The following CLEC12B variants were observed in gnomAD, a reference collection of about 807,000 sequenced individuals.
CLEC12B encodes macrophage antigen h.
CLEC12B carries 25 observed loss-of-function variants against 36.1 expected under a neutral mutation model. That is an observed-to-expected ratio of 0.69 (90% CI 0.50 to 0.97). The LOEUF (loss-of-function observed/expected upper bound fraction) is 0.97. CLEC12B is among the 50% of genes least tolerant of loss of function. The pLI is 0.00. For synonymous variants in CLEC12B, 110 were observed against 108.5 expected, an observed-to-expected ratio of 1.01 and a Z score of -0.09; for missense variants, 325 against 318.4, an observed-to-expected ratio of 1.02 and a Z score of -0.16.
Position 10,018,553 on chromosome 12 carries a change from G to A in CLEC12B, c.*72G>A, listed in dbSNP as rs1374984124. ...CTCATATGAGGAAAGAGGAAACTAC[G>A]GTACCAGAGCCAAACCAGCTTTTAA... is the stretch of plus-strand genomic sequence containing the variant. On this transcript the variant is annotated 3_prime_UTR_variant, in exon 6 of 6. Transcript: ENST00000338896. 7.7e-6 allele frequency: 10 copies of A among 1,304,712 alleles called. No homozygotes were observed. The highest frequency in any genetic ancestry group is 1.4e-5 in the South Asian group (1 of 70,964). 80.8% of individuals were successfully genotyped at this position (1,304,712 alleles called of 1,614,324 possible).
intron 3 of CLEC12B, among the ~76,000 whole-genome samples, chr12:10,014,989 A>G (rs1865443676): frequency 1.3e-5 from 2 of 152,160 alleles, no homozygotes; most frequent in Admixed American, 6.5e-5. Context: ...TTTATTAACT[A>G]TTTCTAGGTG....
chr12:10,014,051 C>T (rs1327844177), intron 2 of CLEC12B, among the ~76,000 whole-genome samples: 3 of 151,974 alleles, frequency 2.0e-5, no homozygotes, highest in Non-Finnish European at 2.9e-5. Flanking sequence ...TTTCATGGAC[C>T]CATGACGAGA....
chr12:10,006,411 C>G (rs1209674112), upstream of CLEC12B, among the ~76,000 whole-genome samples: 1 of 151,322 alleles, frequency 6.6e-6, no homozygotes, highest in Non-Finnish European at 1.5e-5. Flanking sequence ...AATTCCCATT[C>G]TGGCCATTCT....
chr12:10,016,303 A>G (rs1338917753), intron 5 of CLEC12B: 1 of 152,366 alleles, frequency 6.6e-6, no homozygotes, highest in East Asian at 1.9e-4. Context: ...CAATTACAAT[A>G]TACGGCAAGT....
At chr12:10,014,857 G>A (rs1299567002) in intron 3 of CLEC12B, 116 bp downstream of exon 3, 6 of 691,358 alleles carry the variant, frequency 8.7e-6, no homozygotes, top group South Asian at 3.8e-5. Flanking sequence ...GAACCTTAAT[G>A]ATGTTGCACT....
At chr12:10,017,979 C>T in intron 5 of CLEC12B, 7 of 943,848 alleles carry the variant, frequency 7.4e-6, no homozygotes, top group Non-Finnish European at 8.9e-6. Flanking sequence ...TGTTTTTCTT[C>T]ATAAGGTCCC....
rs775755624 is a variant in CLEC12B, at chr12:10,014,576, C to G, written c.244C>G (p.Gln82Glu). Residue 82 changes from glutamine to glutamate, a missense_variant, in exon 3 of 6, where the codon CAG becomes GAG. Coordinates refer to ENST00000338896, the MANE Select transcript of CLEC12B (RefSeq NM_001129998.3). ...NSDSEKLSQL[Q>E]KTIQQQQDNL... ...AGATTCAGAGAAATTGAGTCAACTT[C>G]AGAAAACCATCCAACAGCAGCAGGA... The G allele has an allele frequency of 2.2e-5, 35 of 1,613,682 alleles. No homozygotes were observed. The highest frequency in any genetic ancestry group is 2.9e-5 in the Non-Finnish European group (34 of 1,179,778).
Position 10,018,440 on chromosome 12 carries a change from G to T in CLEC12B, c.790G>T (p.Glu264Ter). The T allele has an allele frequency of 6.4e-7, 1 of 1,550,762 alleles. No homozygotes were observed. Among genetic ancestry groups the T allele is most frequent in the Non-Finnish European group, 8.7e-7 (1 of 1,146,594 alleles). The change falls in exon 6 of 6, where the codon GAG becomes TAG. Residue 264 changes from glutamate (E) to a stop codon, truncating the protein, a stop_gained. Transcript: ENST00000338896. LOFTEE classifies it high-confidence loss of function. The part of the protein sequence containing the change: ...RCSAEIFWIC[E>*]KTAAPVKTED... ...TAGTGCTGAAATTTTTTGGATTTGCGAGAAGACAGCTGCCCCAGTGAAGAC... is the reference window on the plus strand; with the variant it reads ...TAGTGCTGAAATTTTTTGGATTTGCTAGAAGACAGCTGCCCCAGTGAAGAC...
chr12:10,009,823 C>G (rs1464980884), upstream of CLEC12B, among the ~76,000 whole-genome samples: 1 of 152,140 alleles, frequency 6.6e-6, no homozygotes. Flanking sequence ...GTACAGTTAT[C>G]TAATATTCTG....
chr12:10,012,753 T>C (rs1271049393), intron 1 of CLEC12B, 32 bp from the exon 2 acceptor site: 1 of 1,543,476 alleles, frequency 6.5e-7, no homozygotes, highest in East Asian at 2.2e-5. Context: ...AAAGCAGTTC[T>C]GTGTGCTGAT....
At chr12:10,010,008 C>G (rs1211483127), upstream of CLEC12B, among the ~76,000 whole-genome samples, 3 of 152,056 alleles carry the variant, frequency 2.0e-5, no homozygotes, top group African/African-American at 7.3e-5. Context: ...CCTGTGTATT[C>G]CTTGCTGTCT....
chr12:10,007,974 T>C (rs1865250812), upstream of CLEC12B, among the ~76,000 whole-genome samples: 1 of 152,160 alleles, frequency 6.6e-6, no homozygotes, highest in Non-Finnish European at 1.5e-5. Context: ...ACTGAAATGC[T>C]GTAGAGTGTA....
chr12:10,018,718 A>G lies in CLEC12B; in HGVS notation c.*237A>G. On this transcript the variant is annotated 3_prime_UTR_variant, in exon 6 of 6. Transcript: ENST00000338896. Reference sequence around the variant, plus strand: ...GGGGACAAAGGGGAATAGCCATACTATGGCCCTATGATTGTCTCAGAATCA... The same window carrying G: ...GGGGACAAAGGGGAATAGCCATACTGTGGCCCTATGATTGTCTCAGAATCA... The G allele has an allele frequency of 2.2e-6, 1 of 463,124 alleles. No individual in the cohort carries two copies. The highest frequency in any genetic ancestry group is 3.8e-6 in the Non-Finnish European group (1 of 263,814). 28.7% of individuals were successfully genotyped at this position (463,124 alleles called of 1,614,324 possible). A position where few individuals can be genotyped will look rare whatever the true frequency, so the allele number is the denominator to read the frequency against.
chr12:10,011,837 C>T (rs1357549293), intron 1 of CLEC12B, among the ~76,000 whole-genome samples: 1 of 152,172 alleles, frequency 6.6e-6, no homozygotes, highest in Non-Finnish European at 1.5e-5. Flanking sequence ...TGTGGTTACA[C>T]ATTTTTGCCT....
upstream of CLEC12B, among the ~76,000 whole-genome samples, chr12:10,008,666 A>G (rs1001990737): frequency 2.6e-5 from 4 of 152,264 alleles, no homozygotes; most frequent in African/African-American, 9.6e-5. Flanking sequence ...TAATAATGAT[A>G]GATGATATAG....
At chr12:10,014,473 G>A (rs759762983) in intron 2 of CLEC12B, 50 bp from the exon 3 acceptor site, 20 of 1,286,766 alleles carry the variant, frequency 1.6e-5, no homozygotes, top group Middle Eastern at 1.9e-4. Context: ...ATTATCTACA[G>A]TTATAAGAAT....
chr12:10,009,604 A>G (rs1178251827), upstream of CLEC12B, among the ~76,000 whole-genome samples: 5 of 151,570 alleles, frequency 3.3e-5, no homozygotes, highest in Non-Finnish European at 5.9e-5. Flanking sequence ...ACATATGTAT[A>G]TTTAGGTGTT....
chr12:10,017,975 TC>T, intron 5 of CLEC12B: 1 of 948,888 alleles, frequency 1.1e-6, no homozygotes, highest in Non-Finnish European at 1.3e-6. Context: ...TTTATGTTTT[TC>T]TTCATAAGGT....
chr12:10,008,331 G>A (rs903982097), upstream of CLEC12B, among the ~76,000 whole-genome samples: 2 of 152,164 alleles, frequency 1.3e-5, no homozygotes, highest in South Asian at 4.1e-4. Flanking sequence ...GGATCATCTA[G>A]TGGGTGACTG....
Sources: gnomAD v4.1 joint callset for allele counts (sites outside exome capture counted in the v4.1 genomes callset) on GRCh38, gnomAD v4.1.1 for gene constraint, MANE v1.5 for transcripts, NCBI Gene and HGNC (gene_info 2026-07-23, HGNC 2026-07-21) for gene names.